B3GAT2: variants seen among roughly 807,000 people sequenced by gnomAD.
B3GAT2 encodes the protein beta-1,3-glucuronyltransferase 2, also known as galactosylgalactosylxylosylprotein 3-beta-glucuronosyltransferase 2.
In B3GAT2, 26 loss-of-function variants were observed where a neutral mutation model predicts 27.8. That is an observed-to-expected ratio of 0.93 (90% CI 0.68 to 1.30). B3GAT2 has a LOEUF of 1.30. Ranked by LOEUF, B3GAT2 falls within the 50% of genes most tolerant of loss-of-function variation. B3GAT2 has a pLI of 0.00. For synonymous variants in B3GAT2, 218 were observed against 195.1 expected (o/e 1.12, Z -0.98); for missense variants, 458 against 459.0 (o/e 1.00, Z 0.02).
At chr6:70,873,492 C>G (rs909768232) in intron 2 of B3GAT2, among the ~76,000 whole-genome samples, 10 of 152,030 alleles carry the variant, frequency 6.6e-5, no homozygotes, top group Admixed American at 5.2e-4. Context: ...TTGTTACTCT[C>G]AAGATTCTCT....
chr6:70,920,638 G>A (rs1772853960), intron 1 of B3GAT2, among the ~76,000 whole-genome samples: 1 of 152,176 alleles, frequency 6.6e-6, no homozygotes, highest in African/African-American at 2.4e-5. Context: ...TTACTTTTAA[G>A]GATAATACTT....
chr6:70,879,589 G>C (rs978764785), intron 2 of B3GAT2, among the ~76,000 whole-genome samples: 1 of 152,316 alleles, frequency 6.6e-6, no homozygotes, highest in African/African-American at 2.4e-5. Flanking sequence ...CTGCATCTTA[G>C]AGTCATTATA....
intron 1 of B3GAT2, among the ~76,000 whole-genome samples, chr6:70,948,851 C>A (rs1384180424): frequency 6.6e-6 from 1 of 152,148 alleles, no homozygotes; most frequent in Non-Finnish European, 1.5e-5. Flanking sequence ...GCTACAGTTA[C>A]CAAAACAGAG....
intron 2 of B3GAT2, among the ~76,000 whole-genome samples, chr6:70,881,140 C>T (rs1772093088): frequency 6.6e-6 from 1 of 152,096 alleles, no homozygotes; most frequent in African/African-American, 2.4e-5. Context: ...GGATCCACTC[C>T]TCTGCATTGC....
intron 2 of B3GAT2, among the ~76,000 whole-genome samples, chr6:70,893,155 T>C (rs570581631): frequency 1.3e-5 from 2 of 152,320 alleles, no homozygotes; most frequent in East Asian, 3.9e-4. Context: ...CTCCTGGTAT[T>C]CTTCGTCCTC....
intron 2 of B3GAT2, among the ~76,000 whole-genome samples, chr6:70,865,503 T>C (rs1032456333): frequency 6.6e-6 from 1 of 152,186 alleles, no homozygotes; most frequent in South Asian, 2.1e-4. Flanking sequence ...CTAGAGATGA[T>C]TTAAAGTATA....
At chr6:70,883,665 G>A (rs1474986611) in intron 2 of B3GAT2, among the ~76,000 whole-genome samples, 1 of 152,164 alleles carries the variant, frequency 6.6e-6, no homozygotes, top group African/African-American at 2.4e-5. Context: ...GCACAACAAT[G>A]TGAATGAATT....
At chr6:70,867,955 C>A (rs1205634780) in intron 2 of B3GAT2, among the ~76,000 whole-genome samples, 1 of 151,938 alleles carries the variant, frequency 6.6e-6, no homozygotes. Flanking sequence ...TAAATCATGA[C>A]CACTTGAGGA....
rs1771661892 is a variant in B3GAT2 at position 70,860,348 on chromosome 6, A to G, written c.*1315T>C. On this transcript the variant is annotated 3_prime_UTR_variant, in exon 4 of 4. Transcript: ENST00000230053. ...CTGTGGAAATGAAAACTGCAATACAAGTTTCATCCAGAACTACCACCTGAC... is the reference window on the plus strand; with the variant it reads ...CTGTGGAAATGAAAACTGCAATACAGGTTTCATCCAGAACTACCACCTGAC... 6.3e-7 allele frequency: 1 copy of G among 1,599,212 alleles called. No homozygotes were observed. Among genetic ancestry groups the G allele is most frequent in the Non-Finnish European group, 8.5e-7 (1 of 1,173,530 alleles).
intron 1 of B3GAT2, among the ~76,000 whole-genome samples, chr6:70,922,161 C>G (rs1371010462): frequency 6.6e-6 from 1 of 151,900 alleles, no homozygotes; most frequent in Non-Finnish European, 1.5e-5. Flanking sequence ...AGGATCAATT[C>G]CTCAAGAAAA....
chr6:70,944,004 A>C (rs147236212), intron 1 of B3GAT2, among the ~76,000 whole-genome samples: 7 of 152,194 alleles, frequency 4.6e-5, no homozygotes, highest in Non-Finnish European at 1.0e-4. Flanking sequence ...TGAATATATT[A>C]ATTAGCTTTA....
intron 2 of B3GAT2, among the ~76,000 whole-genome samples, chr6:70,863,099 A>T (rs1771790460): frequency 1.3e-5 from 2 of 152,236 alleles, no homozygotes; most frequent in African/African-American, 4.8e-5. Context: ...TGAAGGTCTG[A>T]AGCCCTGGAT....
chr6:70,924,153 A>C (rs1204019322), intron 1 of B3GAT2, among the ~76,000 whole-genome samples: 2 of 152,220 alleles, frequency 1.3e-5, no homozygotes, highest in Non-Finnish European at 2.9e-5. Flanking sequence ...CTTCCCCCAA[A>C]ATTTAAAAAA....
chr6:70,887,746 C>A (rs573658559), intron 2 of B3GAT2, among the ~76,000 whole-genome samples: 1 of 152,296 alleles, frequency 6.6e-6, no homozygotes, highest in Admixed American at 6.5e-5. Context: ...GAAGCATCAG[C>A]AAAACCTTCC....
At chr6:70,922,045 G>A (rs1431092768) in intron 1 of B3GAT2, among the ~76,000 whole-genome samples, 3 of 152,148 alleles carry the variant, frequency 2.0e-5, no homozygotes, top group East Asian at 3.9e-4. Flanking sequence ...TCAAGGTGGT[G>A]GCAGCAGGAT....
At chr6:70,873,176 G>A (rs374893169) in intron 2 of B3GAT2, among the ~76,000 whole-genome samples, 36 of 152,160 alleles carry the variant, frequency 2.4e-4, no homozygotes, top group African/African-American at 7.9e-4. Flanking sequence ...GTGGATTACA[G>A]TTCCCGTCTA....
chr6:70,857,148 G>A lies in B3GAT2; in HGVS notation c.*4515C>T. On this transcript the variant is annotated 3_prime_UTR_variant, in exon 4 of 4. Coordinates refer to ENST00000230053, the MANE Select transcript of B3GAT2 (RefSeq NM_080742.3). ...CCATGTAGTGAGTGCTTTTGTTGTT[G>A]CAGTTTATACAACTATGAAGCCGAA... The A allele has an allele frequency of 9.6e-7, 1 of 1,041,858 alleles. No homozygotes were observed. Among genetic ancestry groups the A allele is most frequent in the Non-Finnish European group, 1.3e-6 (1 of 765,474 alleles). The allele number at this position is 1,041,858 out of a possible 1,614,324, so 64.5% of individuals were successfully genotyped here.
At position 70,912,666 on chromosome 6, in the gene B3GAT2, CAGGATGATGCTGGCCTT is replaced by C. The variant is rs1308386878; in HGVS notation, c.592-18411_592-18395del. On this transcript the variant is annotated intron_variant, in intron 1 of 3. Transcript: ENST00000230053. ...TATCAGGATGATGCTGGCCTTATATCAGGATGATGCTGGCCTTATAGAATGAGTTAGGGAGGGGTCCC... is the reference window on the plus strand; with the variant it reads ...TATCAGGATGATGCTGGCCTTATATCATAGAATGAGTTAGGGAGGGGTCCC... Among the ~76,000 whole-genome samples, 37 of 77,210 alleles carry C rather than the reference CAGGATGATGCTGGCCTT, an allele frequency of 4.8e-4. No homozygotes were observed. The South Asian group carries it at 0.014, about 29-fold the overall frequency. The allele number at this position is 77,210 out of a possible 152,430, so 50.7% of individuals were successfully genotyped here. A position where few individuals can be genotyped will look rare whatever the true frequency, so the allele number is the denominator to read the frequency against.
In B3GAT2 at chr6:70,860,401, CCT is replaced by C. The variant is rs767567557; in HGVS notation, c.*1260_*1261del. ...TCCTTGCTGAAACGCATCTAGTTCC[CCT>C]GTTTATTCATATGCATATTTTTTTT... On this transcript the variant is annotated 3_prime_UTR_variant, in exon 4 of 4. Transcript: ENST00000230053. 2.7e-5 allele frequency: 42 copies of C among 1,533,440 alleles called. No individual in the cohort carries two copies. The highest frequency in any genetic ancestry group is 5.6e-5 in the African/African-American group (4 of 71,836). The allele number at this position is 1,533,440 out of a possible 1,614,324, so 95.0% of individuals were successfully genotyped here. A position where few individuals can be genotyped will look rare whatever the true frequency, so the allele number is the denominator to read the frequency against.
Sources: allele counts gnomAD v4.1 joint callset (sites outside exome capture counted in the v4.1 genomes callset), GRCh38; gene constraint gnomAD v4.1.1; transcripts MANE v1.5; gene names NCBI Gene and HGNC (gene_info 2026-07-23, HGNC 2026-07-21).